The following FHL5 variants were observed in gnomAD, a reference collection of about 807,000 sequenced individuals.
The protein encoded by FHL5 is four and a half LIM domains 5, also known as four and a half LIM domains protein 5.
In FHL5, 33 loss-of-function variants were observed where a neutral mutation model predicts 32.0. The observed-to-expected ratio is 1.03, with a 90% CI of 0.78 to 1.38. The LOEUF (loss-of-function observed/expected upper bound fraction) is 1.38, where lower values mean the gene tolerates loss of function less well. Ranked by LOEUF, FHL5 falls within the 40% of genes most tolerant of loss-of-function variation. The pLI, the probability that FHL5 is intolerant of heterozygous loss-of-function variation, is 0.00. For missense variants in FHL5, 336 were observed against 343.9 expected (o/e 0.98, Z 0.18); for synonymous variants, 114 against 113.6 (o/e 1.00, Z -0.02).
chr6:96,594,250 TATATATATATATATATATATA>T (rs1562059641), intron 1 of FHL5, among the ~76,000 whole-genome samples: 39 of 131,874 alleles, frequency 3.0e-4, no homozygotes, highest in African/African-American at 1.0e-3. Context: ...TATATATATA[TATATATATATATATATATATA>T]TATGTATGTA....
intron 1 of FHL5, among the ~76,000 whole-genome samples, chr6:96,569,310 T>C (rs555918396): frequency 3.3e-5 from 5 of 152,178 alleles, no homozygotes; most frequent in South Asian, 2.1e-4. Context: ...AAAATTGATA[T>C]GATTTCTATT....
chr6:96,615,523 C>A, intron 5 of FHL5, 86 bp from the exon 6 acceptor site: 1 of 1,119,612 alleles, frequency 8.9e-7, no homozygotes, highest in Non-Finnish European at 1.3e-6. Flanking sequence ...ATAGCTCTAT[C>A]TCCAGTTCCT....
chr6:96,599,829 T>TTA (rs1371211650), intron 1 of FHL5, among the ~76,000 whole-genome samples: 1 of 152,224 alleles, frequency 6.6e-6, no homozygotes, highest in Admixed American at 6.5e-5. Flanking sequence ...GGGTACATGT[T>TTA]TATATTAATA....
At chr6:96,596,140 C>T (rs954317809) in intron 1 of FHL5, among the ~76,000 whole-genome samples, 1 of 151,934 alleles carries the variant, frequency 6.6e-6, no homozygotes, top group South Asian at 2.1e-4. Context: ...AGTATAAGTT[C>T]AGGCTGTAAA....
intron 1 of FHL5, among the ~76,000 whole-genome samples, chr6:96,568,044 T>C (rs1226661188): frequency 6.6e-6 from 1 of 151,640 alleles, no homozygotes; most frequent in African/African-American, 2.4e-5. Context: ...AGTGAGATGA[T>C]TGTCTTCCAA....
intron 2 of FHL5, among the ~76,000 whole-genome samples, chr6:96,604,340 T>C (rs1404635091): frequency 6.6e-6 from 1 of 151,934 alleles, no homozygotes; most frequent in Non-Finnish European, 1.5e-5. Context: ...TCTGTCTCTT[T>C]CTTCCCTCTT....
At chr6:96,602,200 A>G (rs556991535) in intron 1 of FHL5, among the ~76,000 whole-genome samples, 11 of 152,136 alleles carry the variant, frequency 7.2e-5, no homozygotes, top group Non-Finnish European at 1.5e-4. Flanking sequence ...TAGTATCAAA[A>G]ACTCTGTTGT....
intron 4 of FHL5, 57 bp downstream of exon 4, chr6:96,606,128 T>C: frequency 7.0e-7 from 1 of 1,428,932 alleles, no homozygotes; most frequent in Non-Finnish European, 9.8e-7. Flanking sequence ...TTTTTAGCTG[T>C]ATCATATATT....
chr6:96,573,192 A>G (rs1435940156), intron 1 of FHL5, among the ~76,000 whole-genome samples: 2 of 152,148 alleles, frequency 1.3e-5, no homozygotes, highest in East Asian at 3.9e-4. Context: ...AAGGTGTTCA[A>G]TTTTCTTTAT....
rs1306413704 is a variant in FHL5, at chr6:96,604,922, C to T, written c.332C>T (p.Pro111Leu). The change falls in exon 3 of 6, where the codon CCT becomes CTT. Residue 111 changes from proline (P) to leucine (L), a missense_variant and splice_region_variant. Coordinates refer to ENST00000450218, the MANE Select transcript of FHL5 (RefSeq NM_001322466.2). ...KCFHCKRTIM[P>L]GSRKMEFKGN... ...TTCCACTGCAAGAGGACCATCATGC[C>T]TGGTAGGGTCTCAAGGGGGCTCCTG... 1.9e-6 allele frequency: 3 copies of T among 1,598,344 alleles called. No homozygotes were observed. In the South Asian group the frequency reaches 3.4e-5, roughly 18 times the overall value.
intron 2 of FHL5, 37 bp downstream of exon 2, chr6:96,603,809 G>C (rs770257106): frequency 2.0e-5 from 32 of 1,562,240 alleles, no homozygotes; most frequent in Middle Eastern, 3.4e-4. Context: ...TACTGCCTAT[G>C]AACAGCAAAC....
In FHL5 at chr6:96,616,939, C is replaced by T. The variant is rs1404328956; in HGVS notation, c.*1167C>T. On this transcript the variant is annotated 3_prime_UTR_variant, in exon 6 of 6. Coordinates refer to ENST00000450218, the MANE Select transcript of FHL5 (RefSeq NM_001322466.2). ...TCCCCCACACCTGTGCCACACCCCC[C>T]TTACCCCAAGCCAGTTGTGCCCCCA... Among the ~76,000 whole-genome samples the T allele has an allele frequency of 6.7e-6, 1 of 149,948 alleles. No individual in the cohort carries two copies. Among genetic ancestry groups the T allele is most frequent in the Non-Finnish European group, 1.5e-5 (1 of 67,426 alleles).
intron 1 of FHL5, among the ~76,000 whole-genome samples, chr6:96,601,411 G>A (rs1356897460): frequency 6.6e-6 from 1 of 152,158 alleles, no homozygotes; most frequent in Non-Finnish European, 1.5e-5. Flanking sequence ...GGCCTGTTAT[G>A]TAATTAGGAC....
chr6:96,604,458 A>T (rs1771226851), intron 2 of FHL5, among the ~76,000 whole-genome samples: 1 of 151,828 alleles, frequency 6.6e-6, no homozygotes, highest in South Asian at 2.1e-4. Flanking sequence ...TCCATGAAAA[A>T]CCTCTATTAT....
Position 96,617,296 on chromosome 6 carries a change from A to G in FHL5, c.*1524A>G, listed in dbSNP as rs1457148169. Among the ~76,000 whole-genome samples, 1 of 152,230 alleles carries G rather than the reference A, an allele frequency of 6.6e-6. No homozygotes were observed. The highest frequency in any genetic ancestry group is 1.5e-5 in the Non-Finnish European group (1 of 68,046). Reference sequence around the variant, plus strand: ...TGTCTTCTCTCAGATTACACATTATAGCATTAAAGGTTTTGATTAAAATCT... The same window carrying G: ...TGTCTTCTCTCAGATTACACATTATGGCATTAAAGGTTTTGATTAAAATCT... On this transcript the variant is annotated 3_prime_UTR_variant, in exon 6 of 6. Coordinates refer to ENST00000450218, the MANE Select transcript of FHL5 (RefSeq NM_001322466.2).
rs568703533 is a variant in FHL5, at chr6:96,616,350, T to A, written c.*578T>A. 1 of 152,212 alleles carries A rather than the reference T, an allele frequency of 6.6e-6. No homozygotes were observed. The highest frequency in any genetic ancestry group is 1.5e-5 in the Non-Finnish European group (1 of 68,050). The allele number at this position is 152,212 out of a possible 1,614,324, so 9.4% of individuals were successfully genotyped here. ...AGCTACAATTTGCCCTCATACACACTGCTTCCACAGCTTGCTAGTTCTGTG... is the reference window on the plus strand; with the variant it reads ...AGCTACAATTTGCCCTCATACACACAGCTTCCACAGCTTGCTAGTTCTGTG... On this transcript the variant is annotated 3_prime_UTR_variant, in exon 6 of 6. Transcript: ENST00000450218.
At chr6:96,615,544 C>T (rs1771499173) in intron 5 of FHL5, 65 bp from the exon 6 acceptor site, 2 of 1,347,928 alleles carry the variant, frequency 1.5e-6, no homozygotes, top group East Asian at 4.8e-5. Flanking sequence ...AGAGGAGCAT[C>T]TGCTAGAATG....
intron 1 of FHL5, among the ~76,000 whole-genome samples, chr6:96,589,723 C>T (rs1177524624): frequency 2.6e-5 from 4 of 151,980 alleles, no homozygotes; most frequent in African/African-American, 9.7e-5. Flanking sequence ...AGCATATTTT[C>T]TGGCTTATTT....
chr6:96,586,638 T>C (rs943447202), intron 1 of FHL5, among the ~76,000 whole-genome samples: 2 of 152,180 alleles, frequency 1.3e-5, no homozygotes, highest in African/African-American at 4.8e-5. Context: ...GATGAGATGA[T>C]GTTAAAATGA....
Sources: allele counts gnomAD v4.1 joint callset (sites outside exome capture counted in the v4.1 genomes callset), GRCh38; gene constraint gnomAD v4.1.1; transcripts MANE v1.5; gene names NCBI Gene and HGNC (gene_info 2026-07-23, HGNC 2026-07-21).